Variants in FHIT observed in about 807,000 individuals in gnomAD.
The protein encoded by FHIT is bis(5'-adenosyl)-triphosphatase.
A neutral mutation model predicts 17.9 loss-of-function variants in FHIT; 19 were observed. The ratio of observed to expected loss-of-function variants is 1.06; its 90% CI spans 0.74 to 1.56. FHIT has a LOEUF of 1.56. FHIT is among the 40% of genes most tolerant of loss of function. FHIT has a pLI of 0.00. For missense variants in FHIT, 248 were observed against 189.2 expected (o/e 1.31, Z -1.82); for synonymous variants, 81 against 69.7 (o/e 1.16, Z -0.81).
intron 4 of FHIT, among the ~76,000 whole-genome samples, chr3:60,738,935 G>A (rs976224241): frequency 3.3e-5 from 5 of 152,054 alleles, no homozygotes; most frequent in African/African-American, 9.7e-5. Flanking sequence ...TATAAATCCC[G>A]GACCCCAGGC....
intron 3 of FHIT, among the ~76,000 whole-genome samples, chr3:60,953,200 T>A (rs1266577967): frequency 6.6e-6 from 1 of 152,206 alleles, no homozygotes; most frequent in Non-Finnish European, 1.5e-5. Context: ...AAAATATAAA[T>A]GTTGTCTGGA....
chr3:59,947,862 G>GT (rs1243630694), intron 7 of FHIT, among the ~76,000 whole-genome samples: 1 of 152,088 alleles, frequency 6.6e-6, no homozygotes, highest in Non-Finnish European at 1.5e-5. Context: ...TGCCAATTTT[G>GT]TTTTTTTGAA....
At chr3:61,214,200 A>C (rs1011652727) in intron 1 of FHIT, among the ~76,000 whole-genome samples, 1 of 152,234 alleles carries the variant, frequency 6.6e-6, no homozygotes, top group Non-Finnish European at 1.5e-5. Context: ...ACCCTTCAAA[A>C]AATTAATGAA....
In FHIT at chr3:60,715,636, G is replaced by T. The variant is rs1267475837; in HGVS notation, c.-18+106283C>A. On this transcript the variant is annotated intron_variant, in intron 4 of 9. Transcript: ENST00000492590. ...GGGACTGTTGTGGGGTGGGGGGAGG[G>T]GGGAGGGGTAGCCTTAGGAGATATA... is the stretch of plus-strand genomic sequence containing the variant. 2.4e-3 allele frequency among the ~76,000 whole-genome samples: 271 copies of T among 112,170 alleles called. 3 individuals are homozygous for T. The highest frequency in any genetic ancestry group is 4.1e-3 in the Non-Finnish European group (230 of 56,574). The allele number at this position is 112,170 out of a possible 152,430, so 73.6% of individuals were successfully genotyped here.
chr3:60,586,432 T>G (rs1205605749), intron 4 of FHIT, among the ~76,000 whole-genome samples: 2 of 151,924 alleles, frequency 1.3e-5, no homozygotes, highest in Admixed American at 1.3e-4. Context: ...GCTGGAGACT[T>G]TAGAAATTCA....
chr3:60,482,663 GAC>G (rs2107478525), intron 5 of FHIT, among the ~76,000 whole-genome samples: 1 of 152,174 alleles, frequency 6.6e-6, no homozygotes, highest in Non-Finnish European at 1.5e-5. Context: ...GAATCTCCGG[GAC>G]ACAGAGTGTC....
intron 8 of FHIT, among the ~76,000 whole-genome samples, chr3:59,801,319 G>A (rs1401690484): frequency 6.7e-6 from 1 of 149,126 alleles, no homozygotes; most frequent in Non-Finnish European, 1.5e-5. Flanking sequence ...TTTCATTTTT[G>A]TACTTTGCTG....
intron 1 of FHIT, among the ~76,000 whole-genome samples, chr3:61,224,777 C>T (rs1576257854): frequency 6.6e-6 from 1 of 152,106 alleles, no homozygotes; most frequent in East Asian, 1.9e-4. Context: ...GCATTTCCAC[C>T]AGTGTAACCT....
At chr3:60,148,977 T>C (rs960297738) in intron 5 of FHIT, among the ~76,000 whole-genome samples, 1 of 152,186 alleles carries the variant, frequency 6.6e-6, no homozygotes, top group South Asian at 2.1e-4. Flanking sequence ...CCTTTGAGCA[T>C]GCCTCCTTCC....
intron 4 of FHIT, among the ~76,000 whole-genome samples, chr3:60,550,896 A>T (rs191108148): frequency 6.6e-6 from 1 of 152,294 alleles, no homozygotes; most frequent in East Asian, 1.9e-4. Flanking sequence ...GTCAACAAGG[A>T]AAAATATTCT....
chr3:60,267,806 C>T (rs1043757522), intron 5 of FHIT, among the ~76,000 whole-genome samples: 1 of 152,136 alleles, frequency 6.6e-6, no homozygotes, highest in Non-Finnish European at 1.5e-5. Flanking sequence ...CTGATCACCA[C>T]GTACATGAAT....
chr3:59,757,663 C>T (rs1701288736), intron 8 of FHIT, among the ~76,000 whole-genome samples: 1 of 152,166 alleles, frequency 6.6e-6, no homozygotes, highest in African/African-American at 2.4e-5. Flanking sequence ...CTTTAATGCT[C>T]TTCTTACAGA....
intron 7 of FHIT, among the ~76,000 whole-genome samples, chr3:59,960,947 T>G (rs1707646945): frequency 6.6e-6 from 1 of 152,210 alleles, no homozygotes; most frequent in African/African-American, 2.4e-5. Flanking sequence ...AGGAATAGAT[T>G]AAATTTGAAT....
chr3:60,081,223 G>A (rs1201541911), intron 5 of FHIT, among the ~76,000 whole-genome samples: 1 of 152,102 alleles, frequency 6.6e-6, no homozygotes, highest in African/African-American at 2.4e-5. Flanking sequence ...GAGCCTGAAT[G>A]TCTGTGGCTG....
chr3:61,017,946 A>G (rs575329600), intron 3 of FHIT, among the ~76,000 whole-genome samples: 1 of 152,324 alleles, frequency 6.6e-6, no homozygotes, highest in East Asian at 1.9e-4. Context: ...GAAAAAGAAG[A>G]TACGAGAGGA....
At chr3:60,442,329 G>C (rs2030958750) in intron 5 of FHIT, among the ~76,000 whole-genome samples, 1 of 152,052 alleles carries the variant, frequency 6.6e-6, no homozygotes, top group South Asian at 2.1e-4. Context: ...ATGGTCTATA[G>C]AAAAGAAAAA....
At chr3:60,907,116 C>G (rs1345623637) in intron 3 of FHIT, among the ~76,000 whole-genome samples, 1 of 152,030 alleles carries the variant, frequency 6.6e-6, no homozygotes, top group African/African-American at 2.4e-5. Flanking sequence ...CCCACAGATA[C>G]TAATTTCAAG....
chr3:60,067,253 T>C (rs543246827), intron 5 of FHIT, among the ~76,000 whole-genome samples: 5 of 152,300 alleles, frequency 3.3e-5, no homozygotes, highest in Non-Finnish European at 7.4e-5. Flanking sequence ...ATTTGCTAAA[T>C]AGATATGGAA....
At chr3:60,152,856 C>T (rs1236065961) in intron 5 of FHIT, among the ~76,000 whole-genome samples, 1 of 152,078 alleles carries the variant, frequency 6.6e-6, no homozygotes, top group Non-Finnish European at 1.5e-5. Flanking sequence ...ATGATGTCTC[C>T]CTGCTTTAAT....
Sources: gnomAD v4.1 joint callset for allele counts (sites outside exome capture counted in the v4.1 genomes callset) on GRCh38, gnomAD v4.1.1 for gene constraint, MANE v1.5 for transcripts, NCBI Gene and HGNC (gene_info 2026-07-23, HGNC 2026-07-21) for gene names.